Variants in PLAC8L1 observed in about 807,000 individuals in gnomAD.
PLAC8L1 encodes PLAC8-like protein 1.
In PLAC8L1, 13 loss-of-function variants were observed where a neutral mutation model predicts 16.3. The ratio of observed to expected loss-of-function variants is 0.80; its 90% confidence interval spans 0.52 to 1.27. The LOEUF (loss-of-function observed/expected upper bound fraction) is 1.27, where lower values mean the gene tolerates loss of function less well. PLAC8L1 is among the 50% of genes most tolerant of loss of function. The pLI is 0.00. For missense variants in PLAC8L1, 184 were observed against 220.2 expected (o/e 0.84, Z 1.04); for synonymous variants, 78 against 79.3 (o/e 0.98, Z 0.09).
intron 2 of PLAC8L1, among the ~76,000 whole-genome samples, chr5:146,097,064 G>T (rs115322096): frequency 2.6e-4 from 40 of 152,212 alleles, no homozygotes; most frequent in African/African-American, 9.6e-4. Context: ...GTTGGATTTG[G>T]AACTTAAGAG....
At chr5:146,102,973 A>G (rs1182499215) in intron 1 of PLAC8L1, among the ~76,000 whole-genome samples, 1 of 152,144 alleles carries the variant, frequency 6.6e-6, no homozygotes, top group Non-Finnish European at 1.5e-5. Context: ...CATTCTGTAT[A>G]CTTTTCTCAG....
intron 1 of PLAC8L1, among the ~76,000 whole-genome samples, chr5:146,101,336 C>T (rs1240626191): frequency 2.0e-5 from 3 of 152,186 alleles, no homozygotes; most frequent in East Asian, 1.9e-4. Context: ...TGGGCTGGCA[C>T]TCTAATCTCA....
rs189549288 is a variant in PLAC8L1 at position 146,090,915 on chromosome 5, G to A, written c.257-5318C>T. Among the ~76,000 whole-genome samples, 907 of 152,106 alleles carry A rather than the reference G, an allele frequency of 6.0e-3. 8 individuals are homozygous for A. The highest frequency in any genetic ancestry group is 0.021 in the African/African-American group (852 of 41,496). On this transcript the variant is annotated intron_variant, in intron 2 of 3. Transcript: ENST00000311450. Reference sequence around the variant, plus strand: ...TAAAAATACAAAAAATTAGCCGGGCGTGGTGGCAGGTGTCTGTAATCCCAG... The same window carrying A: ...TAAAAATACAAAAAATTAGCCGGGCATGGTGGCAGGTGTCTGTAATCCCAG...
intron 2 of PLAC8L1, among the ~76,000 whole-genome samples, chr5:146,091,488 T>C (rs1763616496): frequency 6.6e-6 from 1 of 152,186 alleles, no homozygotes; most frequent in African/African-American, 2.4e-5. Context: ...ATACCATTTA[T>C]ATTATAAATA....
In PLAC8L1 at chr5:146,104,322, GT is replaced by G. The variant is rs1470026534; in HGVS notation, c.-12del. On this transcript the variant is annotated 5_prime_UTR_variant, in exon 1 of 4. Transcript: ENST00000311450. ...TCCAAACCAATTCATAGTGAGAAGT[GT>G]TTTCTTGTCCTTTGGGCTATCCTTT... 2 of 1,588,858 alleles carry G rather than the reference GT, an allele frequency of 1.3e-6. No individual in the cohort carries two copies. Among genetic ancestry groups the G allele is most frequent in the East Asian group, 2.2e-5 (1 of 44,700 alleles).
chr5:146,104,569 G>C lies in PLAC8L1; in HGVS notation c.-258C>G, dbSNP rs1367001448. 3 of 313,166 alleles carry C rather than the reference G, an allele frequency of 9.6e-6. No homozygotes were observed. Among genetic ancestry groups the C allele is most frequent in the Non-Finnish European group, 1.8e-5 (3 of 167,874 alleles). The allele number at this position is 313,166 out of a possible 1,614,324, so 19.4% of individuals were successfully genotyped here. A position where few individuals can be genotyped will look rare whatever the true frequency, so the allele number is the denominator to read the frequency against. Reference sequence around the variant, plus strand: ...GAGTATAGAGTAAATAGAAGAAAAAGACTTATCTTTGGTGGAAAACTCTTT... The same window carrying C: ...GAGTATAGAGTAAATAGAAGAAAAACACTTATCTTTGGTGGAAAACTCTTT... On this transcript the variant is annotated 5_prime_UTR_variant, in exon 1 of 4. Coordinates refer to ENST00000311450, the MANE Select transcript of PLAC8L1 (RefSeq NM_001029869.3).
At position 146,085,607 on chromosome 5, in the gene PLAC8L1, AC is replaced by A; in HGVS notation, c.257-11del. On this transcript the variant is annotated splice_polypyrimidine_tract_variant and intron_variant, in intron 2 of 3. Transcript: ENST00000311450. ...AATAGACCACAGAAACCTGTCAATA[AC>A]CACATCCAAAAAGCCAAGGTTCTCA... 6.3e-7 allele frequency: 1 copy of A among 1,599,022 alleles called. No homozygotes were observed. Among genetic ancestry groups the A allele is most frequent in the Non-Finnish European group, 8.5e-7 (1 of 1,171,738 alleles).
At chr5:146,096,573 A>G (rs1347833484) in intron 2 of PLAC8L1, among the ~76,000 whole-genome samples, 3 of 152,212 alleles carry the variant, frequency 2.0e-5, no homozygotes, top group African/African-American at 7.2e-5. Context: ...ATGGCCAGTA[A>G]GAGCCAGAGT....
At chr5:146,093,487 C>T (rs965002307) in intron 2 of PLAC8L1, among the ~76,000 whole-genome samples, 2 of 152,140 alleles carry the variant, frequency 1.3e-5, no homozygotes, top group Non-Finnish European at 2.9e-5. Context: ...AGGGGATTTA[C>T]GCAAACAGAT....
chr5:146,086,006 T>TA (rs1269746892), intron 2 of PLAC8L1, among the ~76,000 whole-genome samples: 1 of 150,430 alleles, frequency 6.6e-6, no homozygotes, highest in Non-Finnish European at 1.5e-5. Flanking sequence ...TCTATTTCTA[T>TA]AAGTGTAATT....
chr5:146,088,607 G>T (rs1763561702), intron 2 of PLAC8L1, among the ~76,000 whole-genome samples: 1 of 152,176 alleles, frequency 6.6e-6, no homozygotes, highest in South Asian at 2.1e-4. Flanking sequence ...GGGCATGAGG[G>T]ATGGGGGCAG....
intron 2 of PLAC8L1, among the ~76,000 whole-genome samples, chr5:146,088,900 A>T (rs940329182): frequency 6.6e-6 from 1 of 152,216 alleles, no homozygotes; most frequent in African/African-American, 2.4e-5. Context: ...TTTGAAATCA[A>T]TGGCACATAA....
In PLAC8L1 at chr5:146,104,266, A is replaced by G. The variant is rs1405523535; in HGVS notation, c.46T>C (p.Ser16Pro). The G allele has an allele frequency of 2.5e-6, 4 of 1,613,802 alleles. No individual in the cohort carries two copies. The highest frequency in any genetic ancestry group is 3.4e-6 in the Non-Finnish European group (4 of 1,179,824). ...SNFFRCPEDL[S>P]LLNIYSPLLS... The stretch of plus-strand genomic sequence containing the variant: ...AGAGGTGAGTATATGTTGAGTAAGG[A>G]AAGATCCTCAGGACACCTGAAGAAG... Residue 16 changes from serine to proline, a missense_variant, in exon 1 of 4, where the codon TCC becomes CCC. Coordinates refer to ENST00000311450, the MANE Select transcript of PLAC8L1 (RefSeq NM_001029869.3).
chr5:146,103,606 A>G, intron 1 of PLAC8L1: 1 of 933,820 alleles, frequency 1.1e-6, no homozygotes, highest in African/African-American at 1.8e-5. Flanking sequence ...GGTGATCCTA[A>G]CCCTCAGAAG....
At chr5:146,100,375 A>G (rs1763793098) in intron 1 of PLAC8L1, among the ~76,000 whole-genome samples, 1 of 152,148 alleles carries the variant, frequency 6.6e-6, no homozygotes, top group African/African-American at 2.4e-5. Context: ...TCCATTAGGC[A>G]TTGTAGACAG....
intron 2 of PLAC8L1, among the ~76,000 whole-genome samples, chr5:146,094,753 C>T (rs1346517959): frequency 6.6e-6 from 1 of 152,168 alleles, no homozygotes; most frequent in African/African-American, 2.4e-5. Context: ...GAAGGAAGCA[C>T]TTAAAATACA....
chr5:146,090,200 C>G (rs1763588469), intron 2 of PLAC8L1, among the ~76,000 whole-genome samples: 1 of 152,106 alleles, frequency 6.6e-6, no homozygotes, highest in Non-Finnish European at 1.5e-5. Flanking sequence ...AAAAACTTTG[C>G]AACACATATC....
chr5:146,098,666 G>C (rs1763758462), intron 1 of PLAC8L1, among the ~76,000 whole-genome samples: 1 of 152,166 alleles, frequency 6.6e-6, no homozygotes, highest in African/African-American at 2.4e-5. Flanking sequence ...CTTTCCGTTG[G>C]TTCTGATGAA....
At chr5:146,102,873 A>G (rs1198576909) in intron 1 of PLAC8L1, among the ~76,000 whole-genome samples, 2 of 152,182 alleles carry the variant, frequency 1.3e-5, no homozygotes. Context: ...AGTATTAAAC[A>G]AGATCATGTA....
Sources: allele counts gnomAD v4.1 joint callset (sites outside exome capture counted in the v4.1 genomes callset), GRCh38; gene constraint gnomAD v4.1.1; transcripts MANE v1.5; gene names NCBI Gene and HGNC (gene_info 2026-07-23, HGNC 2026-07-21).